Variants in DNAH6 observed in about 807,000 individuals in gnomAD.
DNAH6 encodes dynein axonemal heavy chain 6.
DNAH6 carries 340 observed loss-of-function variants against 491.4 expected under a neutral mutation model. The ratio of observed to expected loss-of-function variants is 0.69; its 90% confidence interval spans 0.63 to 0.76. The LOEUF is 0.76. Among genes scored for constraint, DNAH6 ranks in the 30% least tolerant of loss-of-function variants. DNAH6 has a pLI of 0.00. For missense variants in DNAH6, 4,443 were observed against 4,972.2 expected (o/e 0.89, Z 3.20); for synonymous variants, 1,603 against 1,686.1 (o/e 0.95, Z 1.21).
chr2:84,580,903 C>T (rs1465005494), intron 14 of DNAH6, among the ~76,000 whole-genome samples: 1 of 152,056 alleles, frequency 6.6e-6, no homozygotes, highest in African/African-American at 2.4e-5. Context: ...TGTAGGACGC[C>T]CCAGTAGTCC....
intron 76 of DNAH6, among the ~76,000 whole-genome samples, chr2:84,818,173 T>G (rs1460085750): frequency 6.6e-6 from 1 of 152,166 alleles, no homozygotes; most frequent in Non-Finnish European, 1.5e-5. Flanking sequence ...GGTAGTCCTA[T>G]GTAGTAGTCA....
At chr2:84,749,296 A>G (rs752249821) in intron 63 of DNAH6, among the ~76,000 whole-genome samples, 9 of 152,232 alleles carry the variant, frequency 5.9e-5, no homozygotes, top group Non-Finnish European at 1.3e-4. Context: ...AAGAGTAGTT[A>G]TAGGAAAAAG....
chr2:84,570,500 G>A (rs1000388536), intron 11 of DNAH6, among the ~76,000 whole-genome samples: 1 of 152,174 alleles, frequency 6.6e-6, no homozygotes, highest in African/African-American at 2.4e-5. Context: ...TCTGTGTCTA[G>A]CTAACGGATT....
chr2:84,677,062 C>T lies in DNAH6; in HGVS notation c.6670C>T (p.Pro2224Ser). 6.4e-7 allele frequency: 1 copy of T among 1,551,740 alleles called. No homozygotes were observed. Among genetic ancestry groups the T allele is most frequent in the Non-Finnish European group, 8.7e-7 (1 of 1,146,980 alleles). Residue 2224 changes from proline to serine, a missense_variant, in exon 41 of 77, where the codon CCC becomes TCC. Pro to Ser is a moderately conservative substitution (Grantham distance 74, BLOSUM62 -1). Around this residue, in one of 3 missense-constraint regions of DNAH6, gnomAD observed 2,977 missense variants for 3,296.6 expected, o/e 0.90. Transcript: ENST00000389394. ...AGGCGGTGGCCGCAACCCTGTGACT[C>T]CCCGCTTCATCAGACACTTCAGCAT... ...PPGGGRNPVTPRFIRHFSMLC... is the reference protein window; with the variant it reads ...PPGGGRNPVTSRFIRHFSMLC...
chr2:84,669,512 T>C lies in DNAH6; in HGVS notation c.6306+2T>C. ...ACTGGAATAACTGGAGTGGGCAAGG[T>C]AGGAAACTTACATCAAACAAGAAGT... On this transcript the variant is annotated splice_donor_variant, in intron 38 of 76. Transcript: ENST00000389394. LOFTEE classifies it high-confidence loss of function. 2 of 1,551,252 alleles carry C rather than the reference T, an allele frequency of 1.3e-6. No homozygotes were observed. Among genetic ancestry groups the C allele is most frequent in the Non-Finnish European group, 8.7e-7 (1 of 1,146,640 alleles).
At chr2:84,784,877 C>A in intron 66 of DNAH6, 67 bp downstream of exon 66, 1 of 1,120,468 alleles carries the variant, frequency 8.9e-7, no homozygotes. Flanking sequence ...TAGTGCCTCC[C>A]AGGAGATCAG....
At chr2:84,774,525 G>A (rs183749542) in intron 64 of DNAH6, among the ~76,000 whole-genome samples, 4 of 151,978 alleles carry the variant, frequency 2.6e-5, no homozygotes, top group East Asian at 1.9e-4. Flanking sequence ...CTTTTTACAC[G>A]GGATTGCTTT....
In DNAH6 at chr2:84,784,776, C is replaced by T; in HGVS notation, c.10919C>T (p.Thr3640Ile). The T allele has an allele frequency of 6.5e-7, 1 of 1,550,296 alleles. No homozygotes were observed. The highest frequency in any genetic ancestry group is 8.7e-7 in the Non-Finnish European group (1 of 1,145,864). The part of the protein sequence containing the change: ...RLFLSSMPSN[T>I]FPVTVLQNSV... ...TTTTTAAGCTCCATGCCTAGTAATACATTTCCTGTTACAGTTCTTCAAAAT... is the reference window on the plus strand; with the variant it reads ...TTTTTAAGCTCCATGCCTAGTAATATATTTCCTGTTACAGTTCTTCAAAAT... Residue 3640 changes from threonine to isoleucine, a missense_variant, in exon 66 of 77, where the codon ACA becomes ATA. By Grantham distance (89) the Thr-to-Ile change is moderately conservative (BLOSUM62 -1). Transcript: ENST00000389394.
intron 33 of DNAH6, among the ~76,000 whole-genome samples, chr2:84,647,397 G>A (rs183481363): frequency 6.6e-6 from 1 of 152,318 alleles, no homozygotes; most frequent in African/African-American, 2.4e-5. Context: ...ACAGCCTTCT[G>A]TTAGAAGATG....
chr2:84,524,285 G>T (rs1269211537), intron 2 of DNAH6, among the ~76,000 whole-genome samples: 1 of 149,816 alleles, frequency 6.7e-6, no homozygotes, highest in Non-Finnish European at 1.5e-5. Context: ...GCTTTTTTCT[G>T]TTTCCCATTT....
intron 76 of DNAH6, among the ~76,000 whole-genome samples, chr2:84,816,845 T>TA (rs1680535066): frequency 6.6e-6 from 1 of 152,002 alleles, no homozygotes; most frequent in Non-Finnish European, 1.5e-5. Context: ...CCTCAACAGA[T>TA]ACACCAAGGG....
At chr2:84,766,676 T>C (rs191174327) in intron 64 of DNAH6, among the ~76,000 whole-genome samples, 44 of 152,124 alleles carry the variant, frequency 2.9e-4, no homozygotes, top group African/African-American at 9.2e-4. Flanking sequence ...ATTAATAAAA[T>C]AGTGAAGAAT....
At chr2:84,770,266 A>G (rs1474963026) in intron 64 of DNAH6, among the ~76,000 whole-genome samples, 3 of 152,218 alleles carry the variant, frequency 2.0e-5, no homozygotes, top group African/African-American at 4.8e-5. Context: ...CAGAGTTGTG[A>G]CATTATAATA....
intron 63 of DNAH6, among the ~76,000 whole-genome samples, chr2:84,757,523 A>G (rs1674157595): frequency 6.6e-6 from 1 of 152,238 alleles, no homozygotes; most frequent in South Asian, 2.1e-4. Flanking sequence ...AACACTCTCT[A>G]TTCAGGCCAT....
At chr2:84,811,572 C>T (rs1205033559) in intron 72 of DNAH6, among the ~76,000 whole-genome samples, 1 of 152,096 alleles carries the variant, frequency 6.6e-6, no homozygotes, top group Non-Finnish European at 1.5e-5. Context: ...AAGACTCTCC[C>T]CTTTCCAGCC....
chr2:84,802,110 A>G (rs779995265), intron 70 of DNAH6, among the ~76,000 whole-genome samples: 7 of 152,206 alleles, frequency 4.6e-5, no homozygotes, highest in Admixed American at 1.3e-4. Context: ...AAAATCACAC[A>G]TAAGTACATA....
intron 60 of DNAH6, 31 bp from the exon 61 acceptor site, chr2:84,727,638 A>G: frequency 7.4e-7 from 1 of 1,347,636 alleles, no homozygotes; most frequent in Non-Finnish European, 1.0e-6. Context: ...GAATTAAATC[A>G]GAGACATTGA....
chr2:84,813,304 T>C (rs1680180556), intron 74 of DNAH6, among the ~76,000 whole-genome samples, 174 bp downstream of exon 74: 1 of 152,202 alleles, frequency 6.6e-6, no homozygotes, highest in Non-Finnish European at 1.5e-5. Flanking sequence ...AGAGGAAAGA[T>C]GGCAGAGATA....
intron 16 of DNAH6, among the ~76,000 whole-genome samples, chr2:84,592,090 G>A (rs1684172965): frequency 6.6e-6 from 1 of 152,024 alleles, no homozygotes; most frequent in Non-Finnish European, 1.5e-5. Flanking sequence ...TAGACAAGTG[G>A]AACTACATCA....
Sources: allele counts gnomAD v4.1 joint callset (sites outside exome capture counted in the v4.1 genomes callset), GRCh38; gene constraint gnomAD v4.1.1; regional missense constraint gnomAD v4.1.1; transcripts MANE v1.5; gene names NCBI Gene and HGNC (gene_info 2026-07-23, HGNC 2026-07-21).